FBXL13: variants seen among roughly 807,000 people sequenced by gnomAD.
FBXL13 encodes the protein F-box and leucine-rich repeat protein 13.
Under a neutral mutation model 83.6 loss-of-function variants are expected in FBXL13, and 67 were observed. The ratio of observed to expected loss-of-function variants is 0.80; its 90% confidence interval spans 0.66 to 0.98. The LOEUF is 0.98. Ranked by LOEUF, FBXL13 falls within the 50% of genes least tolerant of loss-of-function variation. The probability of loss-of-function intolerance (pLI) is 0.00; values close to 1 mark genes in which losing one functional copy is unlikely to be tolerated. For missense variants in FBXL13, 822 were observed against 866.5 expected, an observed-to-expected ratio of 0.95 and a Z score of 0.64; for synonymous variants, 272 against 299.5, an observed-to-expected ratio of 0.91 and a Z score of 0.95.
chr7:102,834,878 ATGTGTGTGTGTGTGTGTGTGTGTGTG>A (rs57047697), intron 17 of FBXL13, among the ~76,000 whole-genome samples: 1 of 147,164 alleles, frequency 6.8e-6, no homozygotes, highest in Admixed American at 6.8e-5. Flanking sequence ...CCATTCCACA[ATGTGTGTGTGTGTGTGTGTGTGTGTG>A]TGTGTGTGTG....
Position 103,054,298 on chromosome 7 carries a change from G to A in FBXL13, c.-1+1346C>T, listed in dbSNP as rs113246436. On this transcript the variant is annotated intron_variant, in intron 2 of 19. Transcript: ENST00000313221. ...CCAGCTACTTGGGAGGCTGAGACAG[G>A]AGAATCACTTGAACCCGGGAGGTGG... Among the ~76,000 whole-genome samples, 873 of 151,704 alleles carry A rather than the reference G, an allele frequency of 5.8e-3. 2 individuals carry two copies. The highest frequency in any genetic ancestry group is 8.2e-3 in the Non-Finnish European group (555 of 67,982).
chr7:102,960,698 G>A (rs1319482846), intron 8 of FBXL13, among the ~76,000 whole-genome samples: 3 of 151,874 alleles, frequency 2.0e-5, no homozygotes, highest in African/African-American at 7.3e-5. Context: ...ATCAATAAAT[G>A]TAATCCAGCA....
chr7:102,814,230 C>A (rs1217825402), intron 19 of FBXL13: 1 of 152,078 alleles, frequency 6.6e-6, no homozygotes, highest in Non-Finnish European at 1.5e-5. Flanking sequence ...GAGATTAGTA[C>A]TAAAGAGGAG....
Position 102,964,404 on chromosome 7 carries a change from A to ATT in FBXL13, c.592-741_592-740dup, listed in dbSNP as rs1554482400. 6.2e-3 allele frequency among the ~76,000 whole-genome samples: 890 copies of ATT among 143,280 alleles called. 3 individuals are homozygous for ATT. Among genetic ancestry groups the ATT allele is most frequent in the Non-Finnish European group, 8.1e-3 (540 of 66,842 alleles). The allele number at this position is 143,280 out of a possible 152,430, so 94.0% of individuals were successfully genotyped here. On this transcript the variant is annotated intron_variant, in intron 7 of 19. Coordinates refer to ENST00000313221, the Ensembl canonical transcript of FBXL13. ...CAATTTTGTGACTATATATATATAT[A>ATT]TTTTTTTTTTTTTTTCCAGACTGAG...
At chr7:103,016,193 C>A (rs11978758) in intron 6 of FBXL13, among the ~76,000 whole-genome samples, 1,673 of 151,652 alleles carry the variant, frequency 0.011, 35 homozygotes, top group African/African-American at 0.039. Context: ...CAAAAGGGTC[C>A]AAATAGCCAA....
At chr7:102,883,437 T>G (rs539542782) in exon 14 of FBXL13, 2 of 1,613,030 alleles carry the variant, frequency 1.2e-6, no homozygotes, top group African/African-American at 1.3e-5. Context: ...GTCTATAAAT[T>G]TGAAGGATGC....
chr7:102,944,478 A>C, intron 8 of FBXL13: 1 of 1,614,094 alleles, frequency 6.2e-7, no homozygotes, highest in African/African-American at 1.3e-5. Flanking sequence ...ACTATGAAGA[A>C]TGCCCCAAAG....
At chr7:103,052,609 C>T (rs1200291390) in intron 2 of FBXL13, among the ~76,000 whole-genome samples, 1 of 152,188 alleles carries the variant, frequency 6.6e-6, no homozygotes, top group Non-Finnish European at 1.5e-5. Flanking sequence ...AAAGTCATAT[C>T]TCATTTTTAT....
At chr7:103,019,866 T>G (rs1021726970) in intron 6 of FBXL13, among the ~76,000 whole-genome samples, 3 of 152,122 alleles carry the variant, frequency 2.0e-5, no homozygotes, top group Non-Finnish European at 4.4e-5. Context: ...CAGGACCAGA[T>G]AGATTCACAG....
At chr7:102,812,221 C>G (rs1797474087), downstream of FBXL13, among the ~76,000 whole-genome samples, 1 of 152,244 alleles carries the variant, frequency 6.6e-6, no homozygotes, top group Admixed American at 6.5e-5. Context: ...TAAAAACCCA[C>G]AGATGTGCTC....
intron 17 of FBXL13, among the ~76,000 whole-genome samples, chr7:102,850,937 C>G (rs574760488): frequency 2.6e-5 from 4 of 152,294 alleles, no homozygotes; most frequent in East Asian, 3.9e-4. Context: ...TGAGCAACAG[C>G]AGACCCAGTG....
chr7:103,013,864 A>G (rs1283017376), intron 6 of FBXL13, among the ~76,000 whole-genome samples: 2 of 152,122 alleles, frequency 1.3e-5, no homozygotes, highest in Non-Finnish European at 2.9e-5. Context: ...TCTTTGAAAG[A>G]AGTAATAATA....
chr7:102,954,929 A>C (rs1824008302), intron 8 of FBXL13, among the ~76,000 whole-genome samples: 2 of 152,210 alleles, frequency 1.3e-5, no homozygotes, highest in African/African-American at 2.4e-5. Context: ...TTAGACTCCC[A>C]CACAATAATA....
chr7:103,019,088 G>T (rs1197872251), intron 6 of FBXL13, among the ~76,000 whole-genome samples: 4 of 152,170 alleles, frequency 2.6e-5, no homozygotes, highest in Non-Finnish European at 5.9e-5. Flanking sequence ...GCACTCCTCA[G>T]GAAATGTAAA....
At chr7:103,043,124 G>GA (rs1335542731) in intron 2 of FBXL13, among the ~76,000 whole-genome samples, 1 of 152,046 alleles carries the variant, frequency 6.6e-6, no homozygotes, top group Non-Finnish European at 1.5e-5. Context: ...AAATTTACAA[G>GA]AAAAAAACAA....
chr7:102,969,159 C>T (rs547915585), intron 6 of FBXL13, among the ~76,000 whole-genome samples: 1 of 152,202 alleles, frequency 6.6e-6, no homozygotes, highest in Non-Finnish European at 1.5e-5. Context: ...AGAGCAACTT[C>T]TAGTCCTCCA....
In FBXL13 at chr7:102,893,999, G is replaced by GGAAA. The variant is rs1260157489; in HGVS notation, c.1009-9691_1009-9688dup. 2.2e-3 allele frequency among the ~76,000 whole-genome samples: 322 copies of GGAAA among 149,414 alleles called. 1 individual carries two copies. The highest frequency in any genetic ancestry group is 3.7e-3 in the Non-Finnish European group (246 of 66,298). On this transcript the variant is annotated intron_variant, in intron 11 of 19. Coordinates refer to ENST00000313221, the Ensembl canonical transcript of FBXL13. The stretch of plus-strand genomic sequence containing the variant: ...GAAAGAAAGAGGAAAGAAAGAAAGA[G>GGAAA]GAAAGAAAAGAAAGAGGAAAGAAAA...
chr7:102,907,496 G>A (rs535795603), intron 11 of FBXL13, among the ~76,000 whole-genome samples: 1 of 149,996 alleles, frequency 6.7e-6, no homozygotes, highest in African/African-American at 2.5e-5. Flanking sequence ...ACAGGCCCCG[G>A]TGTGTGATGT....
chr7:102,893,114 G>A (rs549369626), intron 11 of FBXL13, among the ~76,000 whole-genome samples: 25 of 152,274 alleles, frequency 1.6e-4, no homozygotes, highest in African/African-American at 4.3e-4. Context: ...TCCAATTAAC[G>A]TTTATTGACA....
Sources: allele counts gnomAD v4.1 joint callset (sites outside exome capture counted in the v4.1 genomes callset), GRCh38; gene constraint gnomAD v4.1.1; transcripts MANE v1.5; gene names NCBI Gene and HGNC (gene_info 2026-07-23, HGNC 2026-07-21).